Variants in RANGAP1 observed in about 807,000 individuals in gnomAD.
RANGAP1 encodes the protein ran GTPase-activating protein 1.
A neutral mutation model predicts 63.5 loss-of-function variants in RANGAP1; 38 were observed. The ratio of observed to expected loss-of-function variants is 0.60; its 90% confidence interval spans 0.46 to 0.78. The LOEUF (loss-of-function observed/expected upper bound fraction) is 0.78. RANGAP1 is among the 30% of genes least tolerant of loss of function. The pLI is 0.00. For synonymous variants in RANGAP1, 329 were observed against 310.5 expected (o/e 1.06, Z -0.63); for missense variants, 630 against 740.3 (o/e 0.85, Z 1.73).
chr22:41,258,815 C>T (rs867727521), intron 6 of RANGAP1, among the ~76,000 whole-genome samples: 2 of 152,138 alleles, frequency 1.3e-5, no homozygotes, highest in Non-Finnish European at 2.9e-5. Flanking sequence ...CCACCACACC[C>T]GACTAATTTT....
chr22:41,295,408 T>C, the RANGAP1 span, among the ~76,000 whole-genome samples: 16 of 152,242 alleles, frequency 1.1e-4, no homozygotes, highest in Non-Finnish European at 1.5e-4. Flanking sequence ...CCCCCAACCC[T>C]GTGCTCTCTG....
At chr22:41,285,874 G>C (rs956319186) in intron 1 of RANGAP1, 112 bp downstream of exon 1, 6 of 226,456 alleles carry the variant, frequency 2.6e-5, no homozygotes, top group Non-Finnish European at 4.4e-5. Context: ...CGAAGGCTAA[G>C]TGAAGAAGGC....
the RANGAP1 span, among the ~76,000 whole-genome samples, chr22:41,297,489 G>A: frequency 2.6e-5 from 4 of 151,488 alleles, no homozygotes; most frequent in Non-Finnish European, 5.9e-5. Flanking sequence ...AGCCATCACA[G>A]ACCCTTTCAG....
At chr22:41,252,025 G>A (rs1172855385) in intron 12 of RANGAP1, among the ~76,000 whole-genome samples, 1 of 152,086 alleles carries the variant, frequency 6.6e-6, no homozygotes, top group African/African-American at 2.4e-5. Flanking sequence ...CCGAGCCTCC[G>A]CTTTCTTATC....
chr22:41,249,547 C>A, intron 14 of RANGAP1, 96 bp from the exon 15 acceptor site: 1 of 1,577,212 alleles, frequency 6.3e-7, no homozygotes, highest in Non-Finnish European at 8.6e-7. Context: ...GTGCCCACAA[C>A]TGAGTCTAGC....
intron 2 of RANGAP1, 73 bp downstream of exon 2, chr22:41,280,860 G>A: frequency 1.2e-6 from 2 of 1,600,302 alleles, no homozygotes; most frequent in Non-Finnish European, 8.5e-7. Context: ...GAAAGAGCCT[G>A]ACAACCAGTA....
intron 3 of RANGAP1, among the ~76,000 whole-genome samples, chr22:41,269,402 G>T (rs1460255465): frequency 6.6e-6 from 1 of 152,038 alleles, no homozygotes; most frequent in Admixed American, 6.6e-5. Flanking sequence ...AGGTCAACAG[G>T]GTAACTATTG....
intron 7 of RANGAP1, 34 bp from the exon 8 acceptor site, chr22:41,256,858 T>C (rs1211219854): frequency 4.5e-6 from 7 of 1,570,046 alleles, no homozygotes; most frequent in South Asian, 1.1e-5. Context: ...AGAGTGAGGG[T>C]GCAGACCACA....
chr22:41,280,115 G>A (rs2145843600), intron 2 of RANGAP1, among the ~76,000 whole-genome samples: 1 of 152,174 alleles, frequency 6.6e-6, no homozygotes, highest in Admixed American at 6.6e-5. Context: ...AGTGATAAAT[G>A]CACAGGGAGG....
rs201728257 is a variant in RANGAP1 at position 41,280,987 on chromosome 22, C to T, written c.58G>A (p.Gly20Arg). The T allele has an allele frequency of 1.1e-5, 17 of 1,613,462 alleles. No homozygotes were observed. The highest frequency in any genetic ancestry group is 4.0e-5 in the African/African-American group (3 of 75,030). ...TTGCCTTTGAAACTCAGCTGTCCCC[C>T]GGCCACCTGAGTCTTGGCAAGTGTC... ...AETLAKTQVA[G>R]GQLSFKGKSL... is the part of the protein sequence containing the mutation. The change falls in exon 2 of 16, where the codon GGG (glycine) becomes AGG (arginine). Residue 20 changes from glycine to arginine, a missense_variant. Physicochemically the swap from Gly to Arg is moderately radical, Grantham distance 125. Around this residue, in one of 3 missense-constraint regions of RANGAP1, gnomAD observed 65 missense variants for 60.5 expected, o/e 1.07. Transcript: ENST00000356244.
chr22:41,256,054 C>G lies in RANGAP1; in HGVS notation c.1040G>C (p.Gly347Ala). 6.2e-7 allele frequency: 1 copy of G among 1,613,992 alleles called. No homozygotes were observed. Among genetic ancestry groups the G allele is most frequent in the Non-Finnish European group, 8.5e-7 (1 of 1,180,034 alleles). Reference protein sequence around the residue: ...GCEQLQEVLEGFNMAKVLASL... With the variant: ...GCEQLQEVLEAFNMAKVLASL... Reference sequence around the variant, plus strand: ...CGCCAGCACCTTGGCCATGTTGAAGCCCTCCAGCACCTCCTGAAGCTGTTC... The same window carrying G: ...CGCCAGCACCTTGGCCATGTTGAAGGCCTCCAGCACCTCCTGAAGCTGTTC... The change falls in exon 10 of 16, where the codon GGC (glycine) becomes GCC (alanine). Residue 347 changes from glycine to alanine, a missense_variant. Gly to Ala is a moderately conservative substitution (Grantham distance 60). This residue lies in a region of RANGAP1 where 428 missense variants were observed against 465.5 expected (regional missense o/e 0.92). Coordinates refer to ENST00000356244, the MANE Select transcript of RANGAP1 (RefSeq NM_002883.4).
intron 6 of RANGAP1, among the ~76,000 whole-genome samples, chr22:41,260,830 G>A (rs935364046): frequency 7.2e-5 from 11 of 152,152 alleles, no homozygotes; most frequent in African/African-American, 2.7e-4. Flanking sequence ...GTGACAGAAT[G>A]AGACTCTGCC....
chr22:41,277,024 C>T (rs552356168), intron 2 of RANGAP1, among the ~76,000 whole-genome samples: 2 of 149,844 alleles, frequency 1.3e-5, no homozygotes, highest in African/African-American at 2.4e-5. Flanking sequence ...AATAAAATGC[C>T]CTGAAAGTAA....
upstream of RANGAP1, among the ~76,000 whole-genome samples, chr22:41,286,413 T>C (rs1174279606): frequency 6.6e-6 from 1 of 152,234 alleles, no homozygotes; most frequent in East Asian, 1.9e-4. Context: ...CGCCCTCCCC[T>C]GGTGGCTTCT....
At chr22:41,265,977 C>T (rs895526699) in intron 4 of RANGAP1, among the ~76,000 whole-genome samples, 5 of 151,834 alleles carry the variant, frequency 3.3e-5, no homozygotes, top group East Asian at 1.9e-4. Context: ...CCAAGGTGGG[C>T]GGATCACGAG....
chr22:41,295,054 C>T, the RANGAP1 span, among the ~76,000 whole-genome samples: 226 of 148,514 alleles, frequency 1.5e-3, no homozygotes, highest in Non-Finnish European at 2.9e-3. Flanking sequence ...CCCGGCCAGC[C>T]GCCCTATCCG....
chr22:41,251,288 T>A (rs2033427663), intron 12 of RANGAP1, among the ~76,000 whole-genome samples, 179 bp from the exon 13 acceptor site: 1 of 152,002 alleles, frequency 6.6e-6, no homozygotes, highest in African/African-American at 2.4e-5. Context: ...AGCAAGCACA[T>A]ATGCAGCATA....
the RANGAP1 span, among the ~76,000 whole-genome samples, chr22:41,291,669 C>A: frequency 7.4e-5 from 11 of 148,550 alleles, no homozygotes; most frequent in East Asian, 2.2e-3. Flanking sequence ...GGGGCCGAGG[C>A]GGGTGGATCA....
chr22:41,249,233 T>G, intron 15 of RANGAP1, 97 bp downstream of exon 15: 1 of 1,453,980 alleles, frequency 6.9e-7, no homozygotes, highest in African/African-American at 1.4e-5. Context: ...GCAGGCTGGC[T>G]GGGCTGGGGC....
Sources: gnomAD v4.1 joint callset for allele counts (sites outside exome capture counted in the v4.1 genomes callset) on GRCh38, gnomAD v4.1.1 for gene constraint, gnomAD v4.1.1 regional missense constraint, MANE v1.5 for transcripts, NCBI Gene and HGNC (gene_info 2026-07-23, HGNC 2026-07-21) for gene names.